KAT7: variants seen among roughly 807,000 people sequenced by gnomAD.
KAT7 encodes histone acetyltransferase KAT7.
Under a neutral mutation model 82.1 loss-of-function variants are expected in KAT7, and 10 were observed. The ratio of observed to expected loss-of-function variants is 0.12; its 90% CI spans 0.08 to 0.21. The LOEUF (loss-of-function observed/expected upper bound fraction) is 0.21. KAT7 is among the 10% of genes least tolerant of loss of function. The pLI is 1.00. For synonymous variants in KAT7, 250 were observed against 262.5 expected (o/e 0.95, Z 0.46); for missense variants, 378 against 760.9 (o/e 0.50, Z 5.92).
rs1218031511 is a variant in KAT7 at position 49,829,537 on chromosome 17, ACT to A, written c.*2041_*2042del. On this transcript the variant is annotated 3_prime_UTR_variant, in exon 15 of 15. Coordinates refer to ENST00000259021, the MANE Select transcript of KAT7 (RefSeq NM_007067.5). ...TGAGCAGTGTCACCTCTAATTATTGACTCTCTCGCAGGTTGAAATTATTCTTT... is the reference window on the plus strand; with the variant it reads ...TGAGCAGTGTCACCTCTAATTATTGACTCTCGCAGGTTGAAATTATTCTTT... 2 of 152,018 alleles carry A rather than the reference ACT, an allele frequency of 1.3e-5. No homozygotes were observed. Among genetic ancestry groups the A allele is most frequent in the African/African-American group, 4.8e-5 (2 of 41,388 alleles). The allele number at this position is 152,018 out of a possible 1,614,324, so 9.4% of individuals were successfully genotyped here. A position where few individuals can be genotyped will look rare whatever the true frequency, so the allele number is the denominator to read the frequency against.
intron 12 of KAT7, chr17:49,823,497 T>C (rs1215531654): frequency 2.0e-6 from 1 of 510,898 alleles, no homozygotes; most frequent in East Asian, 3.5e-5. Flanking sequence ...ACAGGACTCC[T>C]CCTTAATGAG....
chr17:49,825,779 G>T (rs2074361672), intron 12 of KAT7, among the ~76,000 whole-genome samples: 1 of 152,214 alleles, frequency 6.6e-6, no homozygotes. Flanking sequence ...CTGTGAATAA[G>T]AGGGGACTCC....
intron 11 of KAT7, among the ~76,000 whole-genome samples, chr17:49,822,731 C>G (rs2074321215): frequency 6.6e-6 from 1 of 152,108 alleles, no homozygotes; most frequent in Non-Finnish European, 1.5e-5. Context: ...CTCAGTTCTT[C>G]TTTCTCTATA....
intron 11 of KAT7, among the ~76,000 whole-genome samples, chr17:49,822,804 A>AT (rs77813135): frequency 0.012 from 1,865 of 150,106 alleles, 23 homozygotes; most frequent in Non-Finnish European, 0.02. Context: ...ATTCAATGTG[A>AT]TTTTTTTTTT....
At chr17:49,789,221 A>G (rs991541473) in intron 1 of KAT7, 2 of 188,554 alleles carry the variant, frequency 1.1e-5, no homozygotes, top group African/African-American at 4.7e-5. Flanking sequence ...GGAGAGAACG[A>G]TCCCTCCTCT....
Position 49,833,214 on chromosome 17 carries a change from C to G in KAT7, c.*5712C>G, listed in dbSNP as rs781187573. On this transcript the variant is annotated 3_prime_UTR_variant, in exon 15 of 15. Coordinates refer to ENST00000259021, the MANE Select transcript of KAT7 (RefSeq NM_007067.5). ...AAATAACCTGTACTATTGTACAACT[C>G]TGGCTCCATGGCTCCTCACAAATGT... 2.0e-5 allele frequency: 3 copies of G among 152,244 alleles called. No homozygotes were observed. The highest frequency in any genetic ancestry group is 4.4e-5 in the Non-Finnish European group (3 of 68,050). 9.4% of individuals were successfully genotyped at this position (152,244 alleles called of 1,614,324 possible).
At position 49,805,347 on chromosome 17, in the gene KAT7, T is replaced by C. The variant is rs1036960525; in HGVS notation, c.581-16T>C. 2.6e-6 allele frequency: 4 copies of C among 1,562,770 alleles called. No homozygotes were observed. The Admixed American group carries it at 5.0e-5, about 20-fold the overall frequency. On this transcript the variant is annotated splice_polypyrimidine_tract_variant and intron_variant, in intron 4 of 14. Coordinates refer to ENST00000259021, the MANE Select transcript of KAT7 (RefSeq NM_007067.5). Reference sequence around the variant, plus strand: ...TTGTCTTCTTTCTTGAGATTAAGTTTTCCCTCCTTTAACAGGACACCTTAC... The same window carrying C: ...TTGTCTTCTTTCTTGAGATTAAGTTCTCCCTCCTTTAACAGGACACCTTAC...
chr17:49,821,583 G>C, intron 10 of KAT7, 67 bp from the exon 11 acceptor site: 2 of 1,576,996 alleles, frequency 1.3e-6, no homozygotes, highest in Non-Finnish European at 1.7e-6. Flanking sequence ...GTATGTTTGT[G>C]AATTTTAGGC....
chr17:49,811,528 A>G lies in KAT7; in HGVS notation c.806A>G (p.Lys269Arg), dbSNP rs760318068. 5.8e-6 allele frequency: 9 copies of G among 1,555,064 alleles called. No homozygotes were observed. The South Asian group carries it at 7.2e-5, about 12-fold the overall frequency. The change falls in exon 7 of 15, where the codon AAG becomes AGG. Residue 269 changes from lysine to arginine, a missense_variant. Coordinates refer to ENST00000259021, the MANE Select transcript of KAT7 (RefSeq NM_007067.5). ...RYKEKVAELR[K>R]KRNSGLSKEQ... ...AAGGAAAAAGTGGCTGAACTCAGGA[A>G]GAAAAGAAATTCTGGACTGAGCAAA...
At chr17:49,824,485 G>T (rs549813760) in intron 12 of KAT7, 8 of 152,286 alleles carry the variant, frequency 5.3e-5, no homozygotes, top group Admixed American at 1.3e-4. Context: ...TCAGCCTCAC[G>T]AGTAGCTGGG....
chr17:49,794,876 G>A (rs1260646721), intron 2 of KAT7, among the ~76,000 whole-genome samples: 1 of 152,156 alleles, frequency 6.6e-6, no homozygotes, highest in Non-Finnish European at 1.5e-5. Flanking sequence ...AGAGCACAAG[G>A]TAGATCATAT....
chr17:49,821,519 G>A (rs2074303378), intron 10 of KAT7, 93 bp downstream of exon 10: 10 of 1,475,814 alleles, frequency 6.8e-6, no homozygotes, highest in Non-Finnish European at 9.4e-6. Context: ...CCTTGTGAAG[G>A]ACATAGAACT....
chr17:49,812,649 C>T (rs192936304), intron 7 of KAT7, among the ~76,000 whole-genome samples: 1 of 152,238 alleles, frequency 6.6e-6, no homozygotes, highest in East Asian at 1.9e-4. Flanking sequence ...AAGATACAAA[C>T]CACTGCTTAA....
chr17:49,805,760 C>T (rs2074084054), intron 5 of KAT7, among the ~76,000 whole-genome samples: 1 of 152,160 alleles, frequency 6.6e-6, no homozygotes, highest in African/African-American at 2.4e-5. Flanking sequence ...ACTTATTGCA[C>T]TAAGGAATAA....
chr17:49,788,996 A>C, intron 1 of KAT7, 147 bp downstream of exon 1: 1 of 668,808 alleles, frequency 1.5e-6, no homozygotes, highest in Non-Finnish European at 2.3e-6. Flanking sequence ...GTCCATACCC[A>C]ACAGAAAAAT....
intron 1 of KAT7, chr17:49,789,212 G>A (rs2073850855): frequency 5.0e-6 from 1 of 198,584 alleles, no homozygotes; most frequent in Non-Finnish European, 1.0e-5. Context: ...CCACTGGCTG[G>A]AGAGAACGAT....
At position 49,815,830 on chromosome 17, in the gene KAT7, C is replaced by T. The variant is rs776452039; in HGVS notation, c.880C>T (p.Arg294Trp). 2 of 1,611,674 alleles carry T rather than the reference C, an allele frequency of 1.2e-6. No homozygotes were observed. The highest frequency in any genetic ancestry group is 1.7e-5 in the Admixed American group (1 of 60,010). Residue 294 changes from arginine (R) to tryptophan (W), a missense_variant, in exon 8 of 15, where the codon CGG (arginine) becomes TGG (tryptophan). Transcript: ENST00000259021. ...ACACAGACAGACCTATGGGAACACA[C>T]GGGAACCTCTTTTAGAAAACCTGAC... Reference protein sequence around the residue: ...MEHRQTYGNTREPLLENLTSE... With the variant: ...MEHRQTYGNTWEPLLENLTSE...
intron 4 of KAT7, among the ~76,000 whole-genome samples, chr17:49,803,359 A>G (rs1264695388): frequency 1.3e-5 from 2 of 151,956 alleles, no homozygotes; most frequent in African/African-American, 4.8e-5. Flanking sequence ...CGGCCTCCCA[A>G]AGTGCTAGGA....
chr17:49,793,182 A>G (rs1370097082), intron 2 of KAT7, among the ~76,000 whole-genome samples: 1 of 152,220 alleles, frequency 6.6e-6, no homozygotes, highest in Non-Finnish European at 1.5e-5. Context: ...CCCCATTACA[A>G]GTCAAGGAGC....
Sources: allele counts gnomAD v4.1 joint callset (sites outside exome capture counted in the v4.1 genomes callset), GRCh38; gene constraint gnomAD v4.1.1; transcripts MANE v1.5; gene names NCBI Gene and HGNC (gene_info 2026-07-23, HGNC 2026-07-21).